DOCK8: variants seen among roughly 807,000 people sequenced by gnomAD.
DOCK8 encodes the protein dedicator of cytokinesis 8.
DOCK8 carries 141 observed loss-of-function variants against 245.6 expected under a neutral mutation model. The observed-to-expected ratio is 0.57, with a 90% CI of 0.50 to 0.66. DOCK8 has a LOEUF of 0.66. Ranked by LOEUF, DOCK8 falls within the 30% of genes least tolerant of loss-of-function variation. The pLI, the probability that DOCK8 is intolerant of heterozygous loss-of-function variation, is 0.00. For missense variants in DOCK8, 2,965 were observed against 2,603.4 expected, an observed-to-expected ratio of 1.14 and a Z score of -3.02; for synonymous variants, 1,168 against 970.2, an observed-to-expected ratio of 1.20 and a Z score of -3.79.
At chr9:306,106 A>G (rs577499864) in intron 5 of DOCK8, among the ~76,000 whole-genome samples, 13 of 152,262 alleles carry the variant, frequency 8.5e-5, no homozygotes, top group Admixed American at 6.5e-4. Flanking sequence ...GAGAAGAAAA[A>G]ATTTGTTCAA....
At chr9:400,967 T>TCCACCATCACCACCA in intron 26 of DOCK8, among the ~76,000 whole-genome samples, 1 of 42,358 alleles carries the variant, frequency 2.4e-5, no homozygotes. Flanking sequence ...CACCACCACC[T>TCCACCATCACCACCA]CCTCCACCAT....
Position 429,859 on chromosome 9 carries a change from G to C in DOCK8, c.4626+5G>C. On this transcript the variant is annotated splice_donor_5th_base_variant and intron_variant, in intron 36 of 47. Coordinates refer to ENST00000432829, the MANE Select transcript of DOCK8 (RefSeq NM_203447.4). The stretch of plus-strand genomic sequence containing the variant: ...TTCAGTTTTGGAGCCACCAGTGTAA[G>C]AGTTCAAACCAGCTGAGTGACCTGG... 6.2e-7 allele frequency: 1 copy of C among 1,614,030 alleles called. No individual in the cohort carries two copies. The highest frequency in any genetic ancestry group is 8.5e-7 in the Non-Finnish European group (1 of 1,179,986).
chr9:356,248 G>C (rs1015156502), intron 14 of DOCK8, among the ~76,000 whole-genome samples: 6 of 152,140 alleles, frequency 3.9e-5, no homozygotes, highest in African/African-American at 1.4e-4. Context: ...AAAAATTTTG[G>C]CTGGGCGTGG....
At chr9:414,730 T>G (rs2131600886) in intron 28 of DOCK8, 52 bp from the exon 29 acceptor site, 2 of 1,611,550 alleles carry the variant, frequency 1.2e-6, no homozygotes, top group Non-Finnish European at 1.7e-6. Context: ...TAAGAGCTCT[T>G]TAGTCAATTT....
In DOCK8 at chr9:379,839, C is replaced by G; in HGVS notation, c.2509C>G (p.Leu837Val). 6.2e-7 allele frequency: 1 copy of G among 1,614,238 alleles called. No individual in the cohort carries two copies. Among genetic ancestry groups the G allele is most frequent in the African/African-American group, 1.3e-5 (1 of 75,064 alleles). ...IANSLHNSKD[L>V]SKDQHGRNCL... ...CAACAGTCTGCACAACAGCAAGGAC[C>G]TGAGCAAGGACCAGCATGGGAGGAA... is the stretch of plus-strand genomic sequence containing the variant. Residue 837 changes from leucine (L) to valine (V), a missense_variant, in exon 21 of 48, where the codon CTG becomes GTG. Physicochemically the swap from Leu to Val is conservative, Grantham distance 32. Around this residue, in one of 3 missense-constraint regions of DOCK8, gnomAD observed 2,825 missense variants for 2,453.5 expected, o/e 1.15. Transcript: ENST00000432829.
Position 323,333 on chromosome 9 carries a change from CCTGCCTCAG to C in DOCK8, c.828-2336_828-2328del, listed in dbSNP as rs2050608661. ...CTGCCTCCCAGGTTCAAGTGATTCT[CCTGCCTCAG>C]CCTCCCGAGTAGCTGGGATTACAGG... is the stretch of plus-strand genomic sequence containing the variant. On this transcript the variant is annotated intron_variant, in intron 7 of 47. Transcript: ENST00000432829. Among the ~76,000 whole-genome samples, 4 of 148,618 alleles carry C rather than the reference CCTGCCTCAG, an allele frequency of 2.7e-5. No homozygotes were observed. The Admixed American group carries it at 2.7e-4, about 10-fold the overall frequency.
chr9:277,477 A>AGGGGAGGGGAGGGG (rs1402056488), intron 2 of DOCK8, among the ~76,000 whole-genome samples: 1 of 131,838 alleles, frequency 7.6e-6, no homozygotes, highest in African/African-American at 4.0e-5. Context: ...AAGAGAAGAG[A>AGGGGAGGGGAGGGG]AGAGAAGAGA....
intron 11 of DOCK8, 138 bp from the exon 12 acceptor site, chr9:336,444 A>T (rs2051315416): frequency 8.4e-7 from 1 of 1,191,672 alleles, no homozygotes; most frequent in Non-Finnish European, 1.2e-6. Flanking sequence ...CAATGGAAGG[A>T]CATTTTCATT....
chr9:300,112 T>C (rs956029091), intron 4 of DOCK8, among the ~76,000 whole-genome samples: 3 of 152,190 alleles, frequency 2.0e-5, no homozygotes, highest in African/African-American at 7.2e-5. Flanking sequence ...TAATTCTTGT[T>C]TTTTGTTTGG....
In DOCK8 at chr9:336,564, C is replaced by T. The variant is rs1318561135; in HGVS notation, c.1286-18C>T. ...AACAGAAAGGCATACTTTGGAGTGA[C>T]AATTGTTTTTCTTAAAGGGAGAAGC... On this transcript the variant is annotated intron_variant, in intron 11 of 47. Coordinates refer to ENST00000432829, the MANE Select transcript of DOCK8 (RefSeq NM_203447.4). The T allele has an allele frequency of 6.2e-7, 1 of 1,613,796 alleles. No homozygotes were observed. Among genetic ancestry groups the T allele is most frequent in the African/African-American group, 1.3e-5 (1 of 74,914 alleles).
chr9:211,720 G>A (rs752972953), upstream of DOCK8, among the ~76,000 whole-genome samples: 10 of 152,122 alleles, frequency 6.6e-5, no homozygotes, highest in Non-Finnish European at 1.3e-4. Flanking sequence ...GAGGCAAGCA[G>A]ATGGAGTCAT....
At chr9:400,790 A>T (rs2054940913) in intron 26 of DOCK8, among the ~76,000 whole-genome samples, 1 of 94,148 alleles carries the variant, frequency 1.1e-5, no homozygotes, top group Non-Finnish European at 2.3e-5. Context: ...CACCTCCACC[A>T]TCACCACCAC....
rs746998183 is a variant in DOCK8 at position 370,253 on chromosome 9, G to C, written c.1821G>C (p.Gly607=). The change falls in exon 16 of 48, where the codon GGG becomes GGC. Residue 607 remains glycine, a synonymous_variant. Transcript: ENST00000432829. ...AGGTCATCTTTGGAAAATCCAGCGG[G>C]CCTGAATTTCTGCAGGAAGTGTACA... ...AMPVIFGKSS[G]PEFLQEVYTA... is the part of the protein sequence containing the mutation. 3 of 1,614,092 alleles carry C rather than the reference G, an allele frequency of 1.9e-6. No individual in the cohort carries two copies. The Admixed American group carries it at 5.0e-5, about 27-fold the overall frequency.
At chr9:410,300 T>G (rs574651022) in intron 28 of DOCK8, among the ~76,000 whole-genome samples, 35 of 152,326 alleles carry the variant, frequency 2.3e-4, no homozygotes, top group African/African-American at 8.4e-4. Context: ...CTCTTATTAT[T>G]AGAAATTAAT....
At chr9:371,838 C>T (rs2053300120) in intron 17 of DOCK8, among the ~76,000 whole-genome samples, 1 of 152,108 alleles carries the variant, frequency 6.6e-6, no homozygotes, top group Admixed American at 6.5e-5. Flanking sequence ...ATTTAATATC[C>T]ATGCTTCACG....
chr9:258,285 T>G (rs1380187472), intron 1 of DOCK8, among the ~76,000 whole-genome samples: 1 of 152,234 alleles, frequency 6.6e-6, no homozygotes, highest in African/African-American at 2.4e-5. Flanking sequence ...ATTCACTGCC[T>G]TGGCCAGCAC....
At chr9:358,719 T>A (rs891148202) in intron 14 of DOCK8, among the ~76,000 whole-genome samples, 1 of 148,282 alleles carries the variant, frequency 6.7e-6, no homozygotes, top group African/African-American at 2.5e-5. Flanking sequence ...TGTGGTGGCA[T>A]GTGCCTGTAG....
At position 428,781 on chromosome 9, in the gene DOCK8, T is replaced by G. The variant is rs16906627; in HGVS notation, c.4473+285T>G. Among the ~76,000 whole-genome samples the G allele has an allele frequency of 0.011, 1,713 of 152,212 alleles. 28 individuals carry two copies. Among genetic ancestry groups the G allele is most frequent in the African/African-American group, 0.039 (1,615 of 41,500 alleles). On this transcript the variant is annotated intron_variant, in intron 35 of 47. Coordinates refer to ENST00000432829, the MANE Select transcript of DOCK8 (RefSeq NM_203447.4). ...GACATGAGAACAGAGATCAACTGAGTGACTTAGCAATTTCACTCTTTCTCT... is the reference window on the plus strand; with the variant it reads ...GACATGAGAACAGAGATCAACTGAGGGACTTAGCAATTTCACTCTTTCTCT...
intron 14 of DOCK8, among the ~76,000 whole-genome samples, chr9:351,415 C>G (rs1011020355): frequency 6.6e-6 from 1 of 152,200 alleles, no homozygotes; most frequent in African/African-American, 2.4e-5. Context: ...CTTTCTCACT[C>G]ACCAATCACC....
Sources: gnomAD v4.1 joint callset for allele counts (sites outside exome capture counted in the v4.1 genomes callset) on GRCh38, gnomAD v4.1.1 for gene constraint, gnomAD v4.1.1 regional missense constraint, MANE v1.5 for transcripts, NCBI Gene and HGNC (gene_info 2026-07-23, HGNC 2026-07-21) for gene names.